Variants in NBAS observed in about 807,000 individuals in gnomAD.
NBAS encodes NAG/BC035112 fusion.
In NBAS, 219 loss-of-function variants were observed where a neutral mutation model predicts 302.5. The observed-to-expected ratio is 0.72, with a 90% CI of 0.65 to 0.81. NBAS has a LOEUF of 0.81. Among genes scored for constraint, NBAS ranks in the 30% least tolerant of loss-of-function variants. The probability of loss-of-function intolerance (pLI) is 0.00; values close to 1 mark genes in which losing one functional copy is unlikely to be tolerated. For missense variants in NBAS, 2,932 were observed against 2,841.6 expected (o/e 1.03, Z -0.72); for synonymous variants, 1,118 against 1,021.6 (o/e 1.09, Z -1.80).
At chr2:14,908,349 C>A in the NBAS span, among the ~76,000 whole-genome samples, 38,938 of 151,932 alleles carry the variant, frequency 0.26, 5,107 homozygotes, top group East Asian at 0.34. Flanking sequence ...GGTGACAGAG[C>A]GAGACTCCGT....
chr2:15,302,266 G>C (rs1221442656), intron 40 of NBAS, among the ~76,000 whole-genome samples: 1 of 152,164 alleles, frequency 6.6e-6, no homozygotes, highest in African/African-American at 2.4e-5. Context: ...TCTACTTTTA[G>C]ACCTACAATC....
chr2:15,346,354 A>G lies in NBAS; in HGVS notation c.4179+5638T>C, dbSNP rs1252678703. 2.0e-5 allele frequency among the ~76,000 whole-genome samples: 3 copies of G among 152,056 alleles called. No homozygotes were observed. The East Asian group carries it at 5.8e-4, about 29-fold the overall frequency. ...AAAAAGTGGGCAAAGGGTATGAACAAACACTTCTCAAAAGACATTTACACC... is the reference window on the plus strand; with the variant it reads ...AAAAAGTGGGCAAAGGGTATGAACAGACACTTCTCAAAAGACATTTACACC... On this transcript the variant is annotated intron_variant, in intron 35 of 51. Transcript: ENST00000281513.
chr2:15,346,975 G>C (rs1572696541), intron 35 of NBAS, among the ~76,000 whole-genome samples: 1 of 152,058 alleles, frequency 6.6e-6, no homozygotes, highest in Non-Finnish European at 1.5e-5. Context: ...CCCAGGGAGG[G>C]GAACAACACA....
chr2:15,457,616 A>T (rs1051912270), intron 21 of NBAS, among the ~76,000 whole-genome samples: 1 of 152,170 alleles, frequency 6.6e-6, no homozygotes, highest in African/African-American at 2.4e-5. Context: ...GCTGAAGAGG[A>T]GCTATGCTCT....
chr2:15,059,947 T>TAAAAAAAAAAAAAAAA, the NBAS span, among the ~76,000 whole-genome samples: 1 of 50,078 alleles, frequency 2.0e-5, no homozygotes, highest in Admixed American at 2.4e-4. Flanking sequence ...GCAGTGCTGC[T>TAAAAAAAAAAAAAAAA]AAAAAAAAAA....
chr2:14,983,479 A>T, the NBAS span, among the ~76,000 whole-genome samples: 1 of 152,214 alleles, frequency 6.6e-6, no homozygotes, highest in Non-Finnish European at 1.5e-5. Flanking sequence ...CAGGGCGGCA[A>T]GGAGAATCAA....
the NBAS span, among the ~76,000 whole-genome samples, chr2:15,061,682 A>G: frequency 8.4e-3 from 1,286 of 152,290 alleles, 14 homozygotes; most frequent in Non-Finnish European, 0.014. Context: ...CCAGGACCCC[A>G]ATAGCATACT....
rs1156850445 is a variant in NBAS at position 15,379,824 on chromosome 2, G to A, written c.3368C>T (p.Thr1123Ile). 6.8e-6 allele frequency: 11 copies of A among 1,613,600 alleles called. No homozygotes were observed. The highest frequency in any genetic ancestry group is 9.3e-6 in the Non-Finnish European group (11 of 1,179,602). Residue 1123 changes from threonine to isoleucine, a missense_variant, in exon 30 of 52, where the codon ACA becomes ATA. Physicochemically the swap from Thr to Ile is moderately conservative, Grantham distance 89. Transcript: ENST00000281513. ...LDSDACYEIF[T>I]ESLLCSSRLE... is the part of the protein sequence containing the mutation. ...GCGACTAGAGCACAGAAGGCTTTCT[G>A]TAAATATCTGGAAAAAAGGAGAAAC...
intron 25 of NBAS, among the ~76,000 whole-genome samples, chr2:15,414,412 C>T (rs564331291): frequency 7.9e-5 from 12 of 152,298 alleles, no homozygotes; most frequent in East Asian, 1.9e-4. Context: ...ACAAAGTCAG[C>T]GCCTTCTGTG....
chr2:14,849,513 A>G, the NBAS span, among the ~76,000 whole-genome samples: 3 of 151,808 alleles, frequency 2.0e-5, no homozygotes, highest in African/African-American at 7.3e-5. Flanking sequence ...TCTGCAGGAT[A>G]TTATCCAGGA....
At chr2:15,493,134 C>T (rs1431982501) in intron 11 of NBAS, among the ~76,000 whole-genome samples, 1 of 152,204 alleles carries the variant, frequency 6.6e-6, no homozygotes, top group African/African-American at 2.4e-5. Context: ...TATCTCCTTC[C>T]TATTGCCATT....
chr2:15,409,831 T>A (rs549375855), intron 25 of NBAS, among the ~76,000 whole-genome samples: 169 of 152,330 alleles, frequency 1.1e-3, no homozygotes, highest in African/African-American at 3.9e-3. Flanking sequence ...CTTATCCTCA[T>A]CAAAGCTTTA....
chr2:14,782,118 G>A, the NBAS span, among the ~76,000 whole-genome samples: 1 of 151,998 alleles, frequency 6.6e-6, no homozygotes, highest in Non-Finnish European at 1.5e-5. Flanking sequence ...TTCAAACCCA[G>A]GTTAAAGTTC....
chr2:15,205,358 A>C (rs1666089418), intron 48 of NBAS, among the ~76,000 whole-genome samples: 1 of 152,110 alleles, frequency 6.6e-6, no homozygotes, highest in South Asian at 2.1e-4. Flanking sequence ...GAAGACAACA[A>C]CACAAAAGAA....
At chr2:14,990,415 C>T in the NBAS span, among the ~76,000 whole-genome samples, 1 of 149,952 alleles carries the variant, frequency 6.7e-6, no homozygotes. Flanking sequence ...CAGAGTGAGA[C>T]TCCATCTCAA....
chr2:14,915,062 C>T, the NBAS span, among the ~76,000 whole-genome samples: 14 of 152,236 alleles, frequency 9.2e-5, no homozygotes, highest in East Asian at 3.9e-4. Context: ...TCCACATGGA[C>T]GTGGGTTGGA....
chr2:14,878,486 A>G, the NBAS span, among the ~76,000 whole-genome samples: 876 of 152,268 alleles, frequency 5.8e-3, 15 homozygotes, highest in African/African-American at 0.02. Flanking sequence ...TCCTTTGGCC[A>G]AGGGAAATTC....
intron 10 of NBAS, among the ~76,000 whole-genome samples, chr2:15,510,673 G>A (rs2287271): frequency 0.59 from 89,411 of 152,084 alleles, 26,901 homozygotes; most frequent in Middle Eastern, 0.63. Flanking sequence ...AGCTCAATAA[G>A]TAAGTATAGA....
At chr2:14,985,767 T>G in the NBAS span, among the ~76,000 whole-genome samples, 1 of 152,344 alleles carries the variant, frequency 6.6e-6, no homozygotes, top group South Asian at 2.1e-4. Context: ...GCTTCCACTT[T>G]GAATTTCTGA....
Sources: gnomAD v4.1 joint callset for allele counts (sites outside exome capture counted in the v4.1 genomes callset) on GRCh38, gnomAD v4.1.1 for gene constraint, MANE v1.5 for transcripts, NCBI Gene and HGNC (gene_info 2026-07-23, HGNC 2026-07-21) for gene names.